STAG1: variants seen among roughly 807,000 people sequenced by gnomAD.
The protein encoded by STAG1 is cohesin subunit SA-1.
STAG1 carries 26 observed loss-of-function variants against 170.9 expected under a neutral mutation model. The observed-to-expected ratio is 0.15, with a 90% CI of 0.11 to 0.21. The LOEUF (loss-of-function observed/expected upper bound fraction) is 0.21, where lower values mean the gene tolerates loss of function less well. STAG1 is among the 10% of genes least tolerant of loss of function. The pLI is 1.00. For synonymous variants in STAG1, 514 were observed against 497.7 expected (o/e 1.03, Z -0.44); for missense variants, 964 against 1,509.5 (o/e 0.64, Z 5.99).
At chr3:136,531,467 T>G (rs1935362483) in intron 6 of STAG1, among the ~76,000 whole-genome samples, 1 of 149,626 alleles carries the variant, frequency 6.7e-6, no homozygotes, top group African/African-American at 2.5e-5. Context: ...ACACGTCTGT[T>G]TATTGCGGCA....
chr3:136,572,923 T>A (rs990063881), intron 4 of STAG1, among the ~76,000 whole-genome samples: 1 of 152,168 alleles, frequency 6.6e-6, no homozygotes, highest in Admixed American at 6.5e-5. Flanking sequence ...ACACTTGTAA[T>A]CTCAGAGCTT....
intron 9 of STAG1, among the ~76,000 whole-genome samples, chr3:136,495,187 T>C (rs1231856102): frequency 2.0e-5 from 3 of 152,176 alleles, no homozygotes; most frequent in African/African-American, 7.2e-5. Flanking sequence ...GGTAATTCAA[T>C]TGGGGAAAGA....
At chr3:136,677,848 A>G (rs547029395) in intron 1 of STAG1, among the ~76,000 whole-genome samples, 74 of 149,716 alleles carry the variant, frequency 4.9e-4, no homozygotes, top group African/African-American at 1.7e-3. Context: ...AGGAAGTGAG[A>G]TTAAAATACT....
intron 1 of STAG1, among the ~76,000 whole-genome samples, chr3:136,697,251 T>C (rs1312552537): frequency 2.0e-5 from 3 of 152,236 alleles, no homozygotes; most frequent in East Asian, 3.8e-4. Context: ...GTTTTCTCAC[T>C]TAATATTGCA....
At chr3:136,571,335 A>T (rs770282133) in intron 4 of STAG1, among the ~76,000 whole-genome samples, 5 of 152,128 alleles carry the variant, frequency 3.3e-5, no homozygotes, top group Non-Finnish European at 2.9e-5. Context: ...TTGGGAGACC[A>T]AGGTGGGCAG....
chr3:136,443,233 T>C, intron 15 of STAG1, 54 bp downstream of exon 15: 2 of 1,251,990 alleles, frequency 1.6e-6, no homozygotes, highest in East Asian at 2.3e-5. Flanking sequence ...TACAACTGTA[T>C]TGCTATCAAT....
intron 29 of STAG1, among the ~76,000 whole-genome samples, chr3:136,348,499 T>G (rs886595820): frequency 6.6e-6 from 1 of 152,052 alleles, no homozygotes; most frequent in East Asian, 1.9e-4. Flanking sequence ...ACCTCAAACT[T>G]CTGGGCTCAA....
At chr3:136,700,354 A>T (rs1157157092) in intron 1 of STAG1, among the ~76,000 whole-genome samples, 1 of 151,564 alleles carries the variant, frequency 6.6e-6, no homozygotes, top group Non-Finnish European at 1.5e-5. Context: ...AAAAGTATTT[A>T]ATCTTTTAAA....
intron 7 of STAG1, among the ~76,000 whole-genome samples, chr3:136,506,492 A>AAAAAAAAAC: frequency 6.6e-6 from 1 of 150,580 alleles, no homozygotes; most frequent in East Asian, 1.9e-4. Context: ...AAAAAAAAAA[A>AAAAAAAAAC]AAAATTTCCC....
chr3:136,394,331 C>G (rs1399197114), intron 22 of STAG1, among the ~76,000 whole-genome samples: 1 of 152,166 alleles, frequency 6.6e-6, no homozygotes, highest in East Asian at 1.9e-4. Flanking sequence ...ATACCCTGGA[C>G]TTTTAAAGAA....
At chr3:136,421,461 A>C (rs2087955211) in intron 19 of STAG1, among the ~76,000 whole-genome samples, 1 of 152,206 alleles carries the variant, frequency 6.6e-6, no homozygotes, top group Non-Finnish European at 1.5e-5. Flanking sequence ...AATGATTTCC[A>C]ATATTTTATT....
At chr3:136,390,923 TG>T (rs945935508) in intron 22 of STAG1, among the ~76,000 whole-genome samples, 1 of 152,192 alleles carries the variant, frequency 6.6e-6, no homozygotes, top group Non-Finnish European at 1.5e-5. Flanking sequence ...TGCATGTTTG[TG>T]GGAAGGACAG....
At chr3:136,449,077 T>G (rs1466197042) in intron 14 of STAG1, among the ~76,000 whole-genome samples, 1 of 152,198 alleles carries the variant, frequency 6.6e-6, no homozygotes, top group Non-Finnish European at 1.5e-5. Context: ...CATCATACTA[T>G]GAGAATATGG....
chr3:136,398,230 G>C (rs1384107977), intron 22 of STAG1, among the ~76,000 whole-genome samples: 1 of 151,942 alleles, frequency 6.6e-6, no homozygotes, highest in African/African-American at 2.4e-5. Context: ...TGATTCTCCT[G>C]CTTCAGCCTC....
intron 2 of STAG1, among the ~76,000 whole-genome samples, chr3:136,624,727 T>G (rs182425403): frequency 2.0e-4 from 31 of 152,336 alleles, no homozygotes; most frequent in Non-Finnish European, 3.8e-4. Context: ...AATTAAGCAT[T>G]GATTTTTATC....
intron 1 of STAG1, chr3:136,736,603 C>A (rs763572573): frequency 7.7e-5 from 122 of 1,578,678 alleles, no homozygotes; most frequent in Non-Finnish European, 1.0e-4. Context: ...TCCACACAAC[C>A]ATCTCGACTT....
intron 28 of STAG1, among the ~76,000 whole-genome samples, chr3:136,350,901 C>T (rs999366603): frequency 3.9e-5 from 6 of 152,004 alleles, no homozygotes; most frequent in Admixed American, 1.3e-4. Flanking sequence ...GCAAAACAGC[C>T]GGAAGTTCAA....
At chr3:136,566,794 T>C (rs187907108) in intron 5 of STAG1, among the ~76,000 whole-genome samples, 28 of 152,308 alleles carry the variant, frequency 1.8e-4, no homozygotes, top group Admixed American at 4.6e-4. Context: ...ATAAAATTAC[T>C]CATTACAGTA....
In STAG1 at chr3:136,504,033, G is replaced by A. The variant is rs912943095; in HGVS notation, c.677-1254C>T. On this transcript the variant is annotated intron_variant, in intron 7 of 33. Transcript: ENST00000383202. The stretch of plus-strand genomic sequence containing the variant: ...ATTACAGGCATGAGCCACCGCACCC[G>A]GCCTATTTTTTCTTAATTACATATG... 2.6e-5 allele frequency among the ~76,000 whole-genome samples: 4 copies of A among 151,896 alleles called. 1 individual carries two copies. In the South Asian group the frequency reaches 6.2e-4, roughly 24 times the overall value.
Sources: gnomAD v4.1 joint callset for allele counts (sites outside exome capture counted in the v4.1 genomes callset) on GRCh38, gnomAD v4.1.1 for gene constraint, MANE v1.5 for transcripts, NCBI Gene and HGNC (gene_info 2026-07-23, HGNC 2026-07-21) for gene names.